SHANK2: variants seen among roughly 807,000 people sequenced by gnomAD.
SHANK2 encodes SH3 and multiple ankyrin repeat domains 2, also known as SH3 and multiple ankyrin repeat domains protein 2.
In SHANK2, 43 loss-of-function variants were observed where a neutral mutation model predicts 133.7. The ratio of observed to expected loss-of-function variants is 0.32; its 90% CI spans 0.25 to 0.41. The LOEUF (loss-of-function observed/expected upper bound fraction) is 0.41. Ranked by LOEUF, SHANK2 falls within the 10% of genes least tolerant of loss-of-function variation. SHANK2 has a pLI of 1.00. For missense variants in SHANK2, 1,994 were observed against 2,235.8 expected (o/e 0.89, Z 2.18); for synonymous variants, 1,017 against 952.8 (o/e 1.07, Z -1.24).
At chr11:71,067,006 C>A (rs1951071639) in intron 9 of SHANK2, among the ~76,000 whole-genome samples, 1 of 152,222 alleles carries the variant, frequency 6.6e-6, no homozygotes, top group Non-Finnish European at 1.5e-5. Flanking sequence ...TCCTCATTTA[C>A]TAACGGAGCG....
intron 17 of SHANK2, among the ~76,000 whole-genome samples, chr11:70,621,667 C>A (rs1400795858): frequency 1.3e-5 from 2 of 152,160 alleles, no homozygotes; most frequent in African/African-American, 4.8e-5. Flanking sequence ...GTAGCCCCAG[C>A]CATGCGTGGC....
chr11:70,940,270 CAG>C (rs1313187406), intron 10 of SHANK2, among the ~76,000 whole-genome samples: 1 of 149,174 alleles, frequency 6.7e-6, no homozygotes, highest in African/African-American at 2.5e-5. Flanking sequence ...TCTTTTGAGA[CAG>C]AGTCTCGCTG....
rs550397766 is a variant in SHANK2, at chr11:70,935,554, C to T, written c.1108-38987G>A. 5.9e-5 allele frequency among the ~76,000 whole-genome samples: 9 copies of T among 152,302 alleles called. No homozygotes were observed. In the East Asian group the frequency reaches 1.7e-3, roughly 29 times the overall value. On this transcript the variant is annotated intron_variant, in intron 10 of 25. Coordinates refer to ENST00000601538, the MANE Select transcript of SHANK2 (RefSeq NM_012309.5). The stretch of plus-strand genomic sequence containing the variant: ...CCCTGGGTCATGCTGAACTTTCCAA[C>T]AGCCTAAAACCTAAAACCACAACCG...
At chr11:70,777,740 T>C (rs190208995) in intron 14 of SHANK2, among the ~76,000 whole-genome samples, 117 of 152,330 alleles carry the variant, frequency 7.7e-4, no homozygotes, top group Middle Eastern at 3.4e-3. Flanking sequence ...TCCTCTTGGC[T>C]TGCACCATTT....
intron 2 of SHANK2, among the ~76,000 whole-genome samples, chr11:71,180,733 T>C (rs1953538297): frequency 6.6e-6 from 1 of 152,066 alleles, no homozygotes; most frequent in South Asian, 2.1e-4. Flanking sequence ...CAAATGAATT[T>C]CAGCTCAGGA....
chr11:71,086,872 G>C (rs1951427075), intron 8 of SHANK2, among the ~76,000 whole-genome samples: 1 of 152,212 alleles, frequency 6.6e-6, no homozygotes, highest in Admixed American at 6.5e-5. Flanking sequence ...AGATGAATGA[G>C]AGGAGGCTCG....
chr11:70,818,746 C>T (rs1269317402), intron 12 of SHANK2, among the ~76,000 whole-genome samples: 1 of 152,190 alleles, frequency 6.6e-6, no homozygotes, highest in African/African-American at 2.4e-5. Flanking sequence ...GTTGAGAGGA[C>T]GTGGGGTCTG....
At chr11:71,065,377 AG>A (rs1951036938) in intron 9 of SHANK2, among the ~76,000 whole-genome samples, 1 of 83,260 alleles carries the variant, frequency 1.2e-5, no homozygotes, top group Non-Finnish European at 2.2e-5. Flanking sequence ...GAACTCTTCC[AG>A]GGAGATGAGC....
intron 2 of SHANK2, among the ~76,000 whole-genome samples, chr11:71,205,278 T>C (rs1954106181): frequency 6.6e-6 from 1 of 152,208 alleles, no homozygotes; most frequent in Non-Finnish European, 1.5e-5. Flanking sequence ...GCCCACATTC[T>C]TCCTAGCTTT....
Position 71,188,515 on chromosome 11 carries a change from C to T in SHANK2, c.-13+36182G>A, listed in dbSNP as rs183812218. Among the ~76,000 whole-genome samples, 164 of 152,210 alleles carry T rather than the reference C, an allele frequency of 1.1e-3. 1 individual carries two copies. Among genetic ancestry groups the T allele is most frequent in the African/African-American group, 3.8e-3 (158 of 41,522 alleles). On this transcript the variant is annotated intron_variant, in intron 2 of 25. Transcript: ENST00000601538. The surrounding 1 kb of genome is among the most constrained non-coding windows in gnomAD (Gnocchi z 4.6). The stretch of plus-strand genomic sequence containing the variant: ...ACTGCAAATATTTACAGTGGACGTA[C>T]GAAAAGGCACAGGAATACTGAGTAA...
At chr11:71,204,167 G>A (rs1954080464) in intron 2 of SHANK2, among the ~76,000 whole-genome samples, 1 of 152,134 alleles carries the variant, frequency 6.6e-6, no homozygotes, top group African/African-American at 2.4e-5. Context: ...CCAGGGGTGG[G>A]GAAACTGAGG....
chr11:71,116,049 A>C (rs143933630), intron 4 of SHANK2, among the ~76,000 whole-genome samples: 380 of 152,290 alleles, frequency 2.5e-3, no homozygotes, highest in Admixed American at 7.3e-3. Flanking sequence ...TCTACACTGA[A>C]ACCCCTCCCT....
intron 11 of SHANK2, among the ~76,000 whole-genome samples, chr11:70,861,696 T>C (rs1949260960): frequency 6.6e-6 from 1 of 152,158 alleles, no homozygotes; most frequent in Non-Finnish European, 1.5e-5. Context: ...GGTGCAAATA[T>C]AGCAACCTAC....
chr11:70,617,432 C>A (rs1395986446), intron 17 of SHANK2, among the ~76,000 whole-genome samples: 1 of 152,218 alleles, frequency 6.6e-6, no homozygotes, highest in African/African-American at 2.4e-5. Flanking sequence ...GTTCACCCAG[C>A]CCTGCCATAA....
intron 8 of SHANK2, among the ~76,000 whole-genome samples, chr11:71,088,447 G>C (rs1326681347): frequency 6.6e-6 from 1 of 152,124 alleles, no homozygotes; most frequent in Non-Finnish European, 1.5e-5. Flanking sequence ...CTGTTCACGT[G>C]AATCACCGAC....
intron 2 of SHANK2, among the ~76,000 whole-genome samples, chr11:71,172,077 T>C (rs1373477795): frequency 1.3e-5 from 2 of 152,134 alleles, no homozygotes; most frequent in Non-Finnish European, 2.9e-5. Context: ...GTGGCAGACT[T>C]CATCACTCAG....
At position 70,948,340 on chromosome 11, in the gene SHANK2, CTGA is replaced by C. The variant is rs1471044666; in HGVS notation, c.1108-51776_1108-51774del. The C allele has an allele frequency of 1.3e-5, 6 of 457,328 alleles. No individual in the cohort carries two copies. The East Asian group carries it at 4.2e-4, about 32-fold the overall frequency. The allele number at this position is 457,328 out of a possible 1,614,324, so 28.3% of individuals were successfully genotyped here. On this transcript the variant is annotated intron_variant, in intron 10 of 25. Transcript: ENST00000601538. Reference sequence around the variant, plus strand: ...AGAGAGCAGAGTGTGGTGTGGCTCACTGATGTGTCCCCAGCACCTAGAAGACAG... The same window carrying C: ...AGAGAGCAGAGTGTGGTGTGGCTCACTGTGTCCCCAGCACCTAGAAGACAG...
chr11:70,547,829 G>C (rs1229518347), intron 17 of SHANK2, among the ~76,000 whole-genome samples: 2 of 152,206 alleles, frequency 1.3e-5, no homozygotes, highest in Non-Finnish European at 2.9e-5. Context: ...TAACCATTTA[G>C]ACACAATCGA....
At chr11:71,125,156 A>C (rs1952158736) in intron 3 of SHANK2, among the ~76,000 whole-genome samples, 1 of 152,164 alleles carries the variant, frequency 6.6e-6, no homozygotes, top group Non-Finnish European at 1.5e-5. Flanking sequence ...AATAATATTG[A>C]AATTAGGTCA....
Sources: allele counts gnomAD v4.1 joint callset (sites outside exome capture counted in the v4.1 genomes callset), GRCh38; gene constraint gnomAD v4.1.1; non-coding constraint Gnocchi (gnomAD v3.1); transcripts MANE v1.5; gene names NCBI Gene and HGNC (gene_info 2026-07-23, HGNC 2026-07-21).